The following SMC5 variants were observed in gnomAD, a reference collection of about 807,000 sequenced individuals.
The protein encoded by SMC5 is structural maintenance of chromosomes 5, also known as structural maintenance of chromosomes protein 5.
Under a neutral mutation model 148.3 loss-of-function variants are expected in SMC5, and 88 were observed. The ratio of observed to expected loss-of-function variants is 0.59; its 90% CI spans 0.50 to 0.71. The LOEUF is 0.71. Ranked by LOEUF, SMC5 falls within the 30% of genes least tolerant of loss-of-function variation. The probability of loss-of-function intolerance (pLI) is 0.00; values close to 1 mark genes in which losing one functional copy is unlikely to be tolerated. For missense variants in SMC5, 1,142 were observed against 1,298.9 expected (o/e 0.88, Z 1.86); for synonymous variants, 421 against 432.8 (o/e 0.97, Z 0.34).
intron 13 of SMC5, among the ~76,000 whole-genome samples, chr9:70,317,966 C>G (rs7849942): frequency 0.77 from 117,766 of 152,030 alleles, 46,681 homozygotes; most frequent in Non-Finnish European, 0.86. Context: ...TTCTCTCCTG[C>G]TATCTCTTCT....
At chr9:70,282,886 C>T (rs1441876141) in intron 7 of SMC5, among the ~76,000 whole-genome samples, 2 of 152,100 alleles carry the variant, frequency 1.3e-5, no homozygotes, top group African/African-American at 4.8e-5. Context: ...ATATATTATA[C>T]ATCTGCTTTG....
At chr9:70,297,286 C>T (rs1268329820) in intron 8 of SMC5, among the ~76,000 whole-genome samples, 10 of 152,176 alleles carry the variant, frequency 6.6e-5, no homozygotes, top group South Asian at 2.1e-4. Flanking sequence ...ATAAAGGTGT[C>T]GCTGTCTCAG....
intron 24 of SMC5, among the ~76,000 whole-genome samples, chr9:70,351,779 C>T (rs2036809041): frequency 1.3e-5 from 2 of 152,106 alleles, no homozygotes; most frequent in South Asian, 4.1e-4. Flanking sequence ...TTAAGAGCTT[C>T]TTAAGAGTCT....
At chr9:70,350,054 A>G in intron 22 of SMC5, 60 bp from the exon 23 acceptor site, 1 of 1,254,888 alleles carries the variant, frequency 8.0e-7, no homozygotes, top group African/African-American at 1.5e-5. Flanking sequence ...CCATTTTCAA[A>G]TAATAGAATG....
At chr9:70,347,503 CAA>C (rs1323715951) in intron 20 of SMC5, 108 bp from the exon 21 acceptor site, 2 of 604,594 alleles carry the variant, frequency 3.3e-6, no homozygotes, top group Non-Finnish European at 5.7e-6. Context: ...TGCATACAAA[CAA>C]TGCAGCACAA....
intron 9 of SMC5, 151 bp from the exon 10 acceptor site, chr9:70,299,895 G>A (rs2035312249): frequency 8.0e-6 from 4 of 500,716 alleles, no homozygotes; most frequent in Non-Finnish European, 1.3e-5. Context: ...AGAAAGATTT[G>A]TTCAGGTCAC....
At chr9:70,285,432 G>A (rs7866471) in intron 7 of SMC5, among the ~76,000 whole-genome samples, 4,908 of 152,266 alleles carry the variant, frequency 0.032, 266 homozygotes, top group African/African-American at 0.11. Flanking sequence ...TTTTATGGGC[G>A]TTAGGCAACT....
chr9:70,288,976 A>G (rs917771530), intron 8 of SMC5, among the ~76,000 whole-genome samples: 1 of 152,176 alleles, frequency 6.6e-6, no homozygotes, highest in Non-Finnish European at 1.5e-5. Context: ...TAGGCTTACT[A>G]TAATTATGTA....
intron 7 of SMC5, among the ~76,000 whole-genome samples, 156 bp downstream of exon 7, chr9:70,282,739 G>A (rs1445887108): frequency 6.6e-6 from 1 of 152,052 alleles, no homozygotes; most frequent in Admixed American, 6.6e-5. Flanking sequence ...GATTTTCAAG[G>A]ACATACTTAT....
At chr9:70,280,217 A>C (rs2034713165) in intron 5 of SMC5, among the ~76,000 whole-genome samples, 1 of 152,222 alleles carries the variant, frequency 6.6e-6, no homozygotes, top group Non-Finnish European at 1.5e-5. Flanking sequence ...CCGCTGAAAG[A>C]AAACAAGCAT....
intron 8 of SMC5, among the ~76,000 whole-genome samples, chr9:70,290,620 C>T (rs1189513072): frequency 1.3e-5 from 2 of 151,662 alleles, no homozygotes; most frequent in South Asian, 2.1e-4. Flanking sequence ...ATTCAGAGTA[C>T]TATCTAGGGT....
At chr9:70,291,593 A>G (rs2118302215) in intron 8 of SMC5, among the ~76,000 whole-genome samples, 1 of 152,292 alleles carries the variant, frequency 6.6e-6, no homozygotes, top group African/African-American at 2.4e-5. Context: ...TTTTCTTTTA[A>G]GATTTTTGGT....
intron 8 of SMC5, among the ~76,000 whole-genome samples, chr9:70,292,803 T>C (rs147281293): frequency 1.3e-5 from 2 of 152,272 alleles, no homozygotes; most frequent in Non-Finnish European, 2.9e-5. Context: ...ATGGATTATA[T>C]TGATTGATTT....
intron 1 of SMC5, among the ~76,000 whole-genome samples, chr9:70,263,160 A>G (rs2117945356): frequency 6.6e-6 from 1 of 152,338 alleles, no homozygotes; most frequent in Admixed American, 6.5e-5. Context: ...GAGCGTAAGA[A>G]GTTCCATGTC....
intron 8 of SMC5, among the ~76,000 whole-genome samples, chr9:70,291,447 A>G (rs2035058430): frequency 6.6e-6 from 1 of 152,218 alleles, no homozygotes; most frequent in Admixed American, 6.5e-5. Flanking sequence ...ATGAGAACTT[A>G]GGGTCTTCTC....
At chr9:70,330,553 T>G (rs568834720) in intron 17 of SMC5, among the ~76,000 whole-genome samples, 1 of 150,576 alleles carries the variant, frequency 6.6e-6, no homozygotes, top group Non-Finnish European at 1.5e-5. Context: ...ACTTTCTTTT[T>G]TTTTTTTTTT....
Position 70,314,827 on chromosome 9 carries a change from AT to A in SMC5, c.1665del (p.Asn555LysfsTer12). 1 of 1,537,616 alleles carries A rather than the reference AT, an allele frequency of 6.5e-7. No individual in the cohort carries two copies. Reference protein sequence around the residue: ...YADKAPSRSLNELKQYGFFSY... With the variant: ...YADKAPSRSLXELKQYGFFSY... ...GACAAAGCACCTTCAAGATCTTTGA[AT>A]GAACTTAAGTAAGTCTTGAAAATAC... On this transcript the variant is annotated frameshift_variant, in exon 12 of 25. Coordinates refer to ENST00000361138, the MANE Select transcript of SMC5 (RefSeq NM_015110.4). LOFTEE classifies it high-confidence loss of function.
intron 8 of SMC5, among the ~76,000 whole-genome samples, chr9:70,288,116 G>T (rs1180126): frequency 6.6e-6 from 1 of 151,962 alleles, no homozygotes; most frequent in Non-Finnish European, 1.5e-5. Flanking sequence ...TACAAAGTTG[G>T]TAGATTGCCT....
chr9:70,268,825 T>C (rs2034365600), intron 3 of SMC5, among the ~76,000 whole-genome samples: 1 of 152,196 alleles, frequency 6.6e-6, no homozygotes, highest in South Asian at 2.1e-4. Flanking sequence ...TAATTCATCA[T>C]AGTATTCTTT....
Sources: allele counts gnomAD v4.1 joint callset (sites outside exome capture counted in the v4.1 genomes callset), GRCh38; gene constraint gnomAD v4.1.1; transcripts MANE v1.5; gene names NCBI Gene and HGNC (gene_info 2026-07-23, HGNC 2026-07-21).